The following EPB41 variants were observed in gnomAD, a reference collection of about 807,000 sequenced individuals.
EPB41 encodes protein 4.1.
A neutral mutation model predicts 108.0 loss-of-function variants in EPB41; 65 were observed. That is an observed-to-expected ratio of 0.60 (90% confidence interval 0.49 to 0.74). The LOEUF (loss-of-function observed/expected upper bound fraction) is 0.74, where lower values mean the gene tolerates loss of function less well. Among genes scored for constraint, EPB41 ranks in the 30% least tolerant of loss-of-function variants. The pLI is 0.00. For synonymous variants in EPB41, 336 were observed against 358.9 expected (o/e 0.94, Z 0.72); for missense variants, 875 against 1,037.0 (o/e 0.84, Z 2.15).
intron 1 of EPB41, among the ~76,000 whole-genome samples, chr1:28,928,449 C>T (rs2093572879): frequency 6.6e-6 from 1 of 152,166 alleles, no homozygotes; most frequent in Non-Finnish European, 1.5e-5. Context: ...ATCTAATTAC[C>T]ATTCACAGAA....
chr1:28,967,013 C>CTTTT lies in EPB41; in HGVS notation c.-7-20398_-7-20395dup, dbSNP rs71586876. Among the ~76,000 whole-genome samples, 373 of 85,392 alleles carry CTTTT rather than the reference C, an allele frequency of 4.4e-3. 7 individuals carry two copies. Among genetic ancestry groups the CTTTT allele is most frequent in the African/African-American group, 7.8e-3 (166 of 21,248 alleles). The allele number at this position is 85,392 out of a possible 152,430, so 56.0% of individuals were successfully genotyped here. On this transcript the variant is annotated intron_variant, in intron 1 of 20. Coordinates refer to ENST00000343067, the MANE Select transcript of EPB41 (RefSeq NM_001376013.1). ...TATAAAGATAGATTCATATGAGAAC[C>CTTTT]TTTTTTTTTTTTTTTTTTTTTTTGA...
intron 1 of EPB41, among the ~76,000 whole-genome samples, chr1:28,971,266 C>A (rs1202055401): frequency 6.7e-6 from 1 of 148,462 alleles, no homozygotes; most frequent in African/African-American, 2.5e-5. Flanking sequence ...TCACTGCAAC[C>A]TCTGCCTCCC....
In EPB41 at chr1:29,115,428, A is replaced by G. The variant is rs905996084; in HGVS notation, c.2497-271A>G. Among the ~76,000 whole-genome samples, 2 of 152,072 alleles carry G rather than the reference A, an allele frequency of 1.3e-5. No homozygotes were observed. Among genetic ancestry groups the G allele is most frequent in the African/African-American group, 2.4e-5 (1 of 41,412 alleles). ...AAAAATAAAAAAAAAATAAAGGATC[A>G]TATAACAGATACAGCTATGACCCCC... is the stretch of plus-strand genomic sequence containing the variant. On this transcript the variant is annotated intron_variant, in intron 19 of 20. Coordinates refer to ENST00000343067, the MANE Select transcript of EPB41 (RefSeq NM_001376013.1). This position sits in a 1 kb window ranked among gnomAD's most constrained non-coding sequence, Gnocchi z 4.4.
At chr1:29,015,870 T>C (rs2096571889) in intron 6 of EPB41, 103 bp downstream of exon 6, 1 of 790,598 alleles carries the variant, frequency 1.3e-6, no homozygotes, top group Admixed American at 2.3e-5. Context: ...TATTCAGAAC[T>C]GAAGAAAAAT....
At chr1:28,917,095 C>T (rs1230990730) in intron 1 of EPB41, among the ~76,000 whole-genome samples, 2 of 151,844 alleles carry the variant, frequency 1.3e-5, no homozygotes, top group African/African-American at 4.8e-5. Context: ...CCGGCCTCTC[C>T]CAACATTTAT....
rs115737078 is a variant in EPB41 at position 28,890,422 on chromosome 1, C to T, written c.-8+3212C>T. On this transcript the variant is annotated intron_variant, in intron 1 of 16. Coordinates refer to the EPB41 transcript ENST00000347529. ...ACTTTGCTCCCTGGGTTTCAGTTTC[C>T]CTTTCTGTGAAATGAGTAGGGGAGA... Among the ~76,000 whole-genome samples the T allele has an allele frequency of 5.8e-3, 885 of 152,206 alleles. 9 individuals are homozygous for T. The highest frequency in any genetic ancestry group is 0.02 in the African/African-American group (829 of 41,526).
intron 9 of EPB41, among the ~76,000 whole-genome samples, chr1:29,034,856 G>T (rs1199121223): frequency 3.3e-5 from 5 of 151,666 alleles, no homozygotes; most frequent in Non-Finnish European, 7.4e-5. Context: ...TAAGAGACTA[G>T]ATTTTAAGTT....
At chr1:29,038,666 T>C (rs1464840596) in intron 10 of EPB41, among the ~76,000 whole-genome samples, 2 of 152,232 alleles carry the variant, frequency 1.3e-5, no homozygotes, top group Non-Finnish European at 2.9e-5. Flanking sequence ...TTCAGTCTTA[T>C]AGGGGAGACC....
chr1:29,029,512 T>C (rs1322647467), intron 7 of EPB41, among the ~76,000 whole-genome samples: 1 of 152,126 alleles, frequency 6.6e-6, no homozygotes, highest in East Asian at 1.9e-4. Context: ...GAAACTGGCG[T>C]TTACTGTTTT....
chr1:29,100,716 AATTAT>A (rs1286597550), intron 17 of EPB41, among the ~76,000 whole-genome samples: 1 of 146,994 alleles, frequency 6.8e-6, no homozygotes, highest in Non-Finnish European at 1.5e-5. Flanking sequence ...TACAACATAT[AATTAT>A]ATTAAATATG....
intron 1 of EPB41, among the ~76,000 whole-genome samples, chr1:28,923,198 C>A (rs1259558426): frequency 1.4e-5 from 2 of 140,596 alleles, no homozygotes; most frequent in East Asian, 2.3e-4. Context: ...CGGATTCAAG[C>A]GATTCTCCTG....
chr1:29,040,997 A>G (rs1478182853), intron 11 of EPB41, among the ~76,000 whole-genome samples: 3 of 151,570 alleles, frequency 2.0e-5, no homozygotes, highest in Non-Finnish European at 1.5e-5. Flanking sequence ...TCAGCTGGGC[A>G]TGGTGGCGCA....
intron 1 of EPB41, among the ~76,000 whole-genome samples, chr1:28,931,597 C>T (rs1317649011): frequency 2.7e-5 from 4 of 149,698 alleles, no homozygotes; most frequent in South Asian, 4.2e-4. Flanking sequence ...GGTGCGATCT[C>T]GGCTTACTGC....
chr1:28,939,468 G>C (rs1348609729), intron 1 of EPB41, among the ~76,000 whole-genome samples: 1 of 151,558 alleles, frequency 6.6e-6, no homozygotes, highest in Non-Finnish European at 1.5e-5. Flanking sequence ...ATTTTTTTGA[G>C]ACGGAGTCTC....
chr1:29,066,275 C>T (rs1031789057), intron 16 of EPB41, among the ~76,000 whole-genome samples: 3 of 151,856 alleles, frequency 2.0e-5, no homozygotes, highest in East Asian at 1.9e-4. Flanking sequence ...AAAAATTAGC[C>T]GGGCATGGTG....
chr1:29,004,951 A>G (rs1323069557), intron 4 of EPB41, among the ~76,000 whole-genome samples: 2 of 152,018 alleles, frequency 1.3e-5, no homozygotes, highest in African/African-American at 4.8e-5. Context: ...GGGTTTTAGG[A>G]CCTCCATATA....
chr1:28,942,389 A>C (rs2148801769), intron 1 of EPB41, among the ~76,000 whole-genome samples: 1 of 152,346 alleles, frequency 6.6e-6, no homozygotes, highest in Non-Finnish European at 1.5e-5. Flanking sequence ...TGGGGTTCCC[A>C]CAACCCCCTC....
chr1:28,998,011 T>G (rs898609142), intron 4 of EPB41, among the ~76,000 whole-genome samples: 3 of 152,170 alleles, frequency 2.0e-5, no homozygotes, highest in Non-Finnish European at 4.4e-5. Context: ...TTAACAAGTA[T>G]TTGCAGGTGC....
intron 17 of EPB41, among the ~76,000 whole-genome samples, 179 bp downstream of exon 17, chr1:29,098,114 G>T (rs983477510): frequency 6.6e-6 from 1 of 152,176 alleles, no homozygotes; most frequent in Non-Finnish European, 1.5e-5. Context: ...AAAAAATTGA[G>T]CAGAGCACAC....
Sources: gnomAD v4.1 joint callset for allele counts (sites outside exome capture counted in the v4.1 genomes callset) on GRCh38, gnomAD v4.1.1 for gene constraint, Gnocchi (gnomAD v3.1) non-coding constraint, MANE v1.5 for transcripts, NCBI Gene and HGNC (gene_info 2026-07-23, HGNC 2026-07-21) for gene names.